PCDHAC2: variants seen among roughly 807,000 people sequenced by gnomAD.
PCDHAC2 encodes protocadherin alpha subfamily C, 2, also known as protocadherin alpha-C2.
PCDHAC2 carries 24 observed loss-of-function variants against 63.3 expected under a neutral mutation model. The observed-to-expected ratio is 0.38, with a 90% CI of 0.27 to 0.53. The LOEUF (loss-of-function observed/expected upper bound fraction) is 0.53. PCDHAC2 is among the 20% of genes least tolerant of loss of function. The probability of loss-of-function intolerance (pLI) is 0.81; values close to 1 mark genes in which losing one functional copy is unlikely to be tolerated. For synonymous variants in PCDHAC2, 569 were observed against 529.4 expected (o/e 1.07, Z -1.03); for missense variants, 1,181 against 1,275.2 (o/e 0.93, Z 1.12).
intron 3 of PCDHAC2, among the ~76,000 whole-genome samples, chr5:141,008,171 G>A (rs1441350888): frequency 6.6e-6 from 1 of 152,148 alleles, no homozygotes; most frequent in African/African-American, 2.4e-5. Flanking sequence ...GGACTAAAAT[G>A]TGACCATTGA....
intron 3 of PCDHAC2, 111 bp downstream of exon 3, chr5:140,982,674 A>G (rs1399250735): frequency 3.4e-6 from 5 of 1,450,700 alleles, no homozygotes; most frequent in Admixed American, 2.7e-5. Context: ...TATTTTTGTT[A>G]TTCCCTTTTT....
At chr5:140,994,939 C>T (rs1210134523) in intron 3 of PCDHAC2, among the ~76,000 whole-genome samples, 5 of 152,160 alleles carry the variant, frequency 3.3e-5, no homozygotes, top group Non-Finnish European at 7.3e-5. Context: ...CTTAAACATC[C>T]TGCTAAATAA....
chr5:140,975,120 C>T (rs2096654332), intron 1 of PCDHAC2, among the ~76,000 whole-genome samples: 1 of 152,140 alleles, frequency 6.6e-6, no homozygotes, highest in African/African-American at 2.4e-5. Flanking sequence ...TGTTTTCCTA[C>T]TTACTATTGG....
At position 140,982,388 on chromosome 5, in the gene PCDHAC2, A is replaced by G. The variant is rs868944535; in HGVS notation, c.2625-87A>G. 32 of 1,592,320 alleles carry G rather than the reference A, an allele frequency of 2.0e-5. 1 individual carries two copies. The Middle Eastern group carries it at 4.6e-3, about 226-fold the overall frequency. Reference sequence around the variant, plus strand: ...ATGTGTTAGCTGCAGCCCTGGCTTCATAGTTGTAAGCAATTTCTGAGGGTG... The same window carrying G: ...ATGTGTTAGCTGCAGCCCTGGCTTCGTAGTTGTAAGCAATTTCTGAGGGTG... On this transcript the variant is annotated intron_variant, in intron 2 of 3. Coordinates refer to ENST00000289269, the MANE Select transcript of PCDHAC2 (RefSeq NM_018899.6).
In PCDHAC2 at chr5:141,009,679, C is replaced by T; in HGVS notation, c.2766C>T (p.Asn922=). 1.2e-6 allele frequency: 2 copies of T among 1,614,116 alleles called. No individual in the cohort carries two copies. The highest frequency in any genetic ancestry group is 8.5e-7 in the Non-Finnish European group (1 of 1,180,026). The part of the protein sequence containing the change: ...SPPVGAGVNS[N]SWTFKYGPGN... ...CAGTCGGTGCGGGTGTCAACAGCAA[C>T]AGCTGGACCTTTAAATACGGACCAG... The change falls in exon 4 of 4, where the codon AAC becomes AAT. Residue 922 remains asparagine (N), a synonymous_variant. Coordinates refer to ENST00000289269, the MANE Select transcript of PCDHAC2 (RefSeq NM_018899.6).
chr5:140,972,515 G>A (rs572041832), intron 1 of PCDHAC2, among the ~76,000 whole-genome samples: 1 of 152,166 alleles, frequency 6.6e-6, no homozygotes, highest in South Asian at 2.1e-4. Flanking sequence ...TTTACCCCCA[G>A]TGAGCTTATT....
At chr5:140,975,200 C>T (rs1469690831) in intron 1 of PCDHAC2, among the ~76,000 whole-genome samples, 1 of 152,224 alleles carries the variant, frequency 6.6e-6, no homozygotes, top group Non-Finnish European at 1.5e-5. Context: ...GCTCCATCTT[C>T]ATGGCTGGCA....
chr5:140,982,566 A>C lies in PCDHAC2; in HGVS notation c.2713+3A>C. 1.2e-6 allele frequency: 2 copies of C among 1,614,088 alleles called. No individual in the cohort carries two copies. Among genetic ancestry groups the C allele is most frequent in the Non-Finnish European group, 1.7e-6 (2 of 1,179,950 alleles). ...AACAGTATCCAGTGCAACACCAGGT[A>C]AAGAGCTGGGGTCTCTCCATTCTTT... is the stretch of plus-strand genomic sequence containing the variant. On this transcript the variant is annotated splice_donor_region_variant and intron_variant, in intron 3 of 3. Transcript: ENST00000289269.
At chr5:140,991,411 C>G (rs905076175) in intron 3 of PCDHAC2, among the ~76,000 whole-genome samples, 8 of 152,156 alleles carry the variant, frequency 5.3e-5, no homozygotes, top group Admixed American at 5.2e-4. Flanking sequence ...TCCCATTATG[C>G]TATAACAAAT....
chr5:140,995,086 T>C (rs1182368049), intron 3 of PCDHAC2, among the ~76,000 whole-genome samples: 2 of 152,246 alleles, frequency 1.3e-5, no homozygotes, highest in African/African-American at 4.8e-5. Context: ...TCCAAACTTA[T>C]CTGTGGAGAT....
Position 140,968,346 on chromosome 5 carries a change from C to T in PCDHAC2, c.1580C>T (p.Ala527Val). 6.2e-7 allele frequency: 1 copy of T among 1,614,090 alleles called. No homozygotes were observed. The part of the protein sequence containing the change: ...PVTSYVSINS[A>V]SGSLYAVNSF... ...ACCTCCTATGTCTCCATTAACAGTG[C>T]CAGTGGCAGCCTTTATGCTGTCAAC... is the stretch of plus-strand genomic sequence containing the variant. Residue 527 changes from alanine to valine, a missense_variant, in exon 1 of 4, where the codon GCC becomes GTC. By Grantham distance (64) the Ala-to-Val change is moderately conservative (BLOSUM62 0). Coordinates refer to ENST00000289269, the MANE Select transcript of PCDHAC2 (RefSeq NM_018899.6).
chr5:141,007,481 T>C (rs2098332347), intron 3 of PCDHAC2, among the ~76,000 whole-genome samples: 1 of 151,600 alleles, frequency 6.6e-6, no homozygotes, highest in Non-Finnish European at 1.5e-5. Context: ...GGCACGAGAA[T>C]TACTTGGACC....
At chr5:140,984,783 G>A (rs2097120793) in intron 3 of PCDHAC2, among the ~76,000 whole-genome samples, 1 of 152,152 alleles carries the variant, frequency 6.6e-6, no homozygotes, top group African/African-American at 2.4e-5. Flanking sequence ...CTTGCTGGGT[G>A]AGCATAGACA....
At chr5:140,969,930 C>T (rs1200018667) in intron 1 of PCDHAC2, among the ~76,000 whole-genome samples, 1 of 152,178 alleles carries the variant, frequency 6.6e-6, no homozygotes, top group Non-Finnish European at 1.5e-5. Flanking sequence ...AGTATTTAGA[C>T]ATCATACTGA....
At position 140,966,906 on chromosome 5, in the gene PCDHAC2, C is replaced by A; in HGVS notation, c.140C>A (p.Ser47Tyr). ...CCTGCGGCCTCCCAGCTGCGATACT[C>A]TGTGCCAGAGGAGCAGGCACCCGGC... ...PGPAASQLRY[S>Y]VPEEQAPGAL... The change falls in exon 1 of 4, where the codon TCT (serine) becomes TAT (tyrosine). Residue 47 changes from serine (S) to tyrosine (Y), a missense_variant. Physicochemically the swap from Ser to Tyr is moderately radical, Grantham distance 144. This residue lies in a region of PCDHAC2 where 210 missense variants were observed against 184.9 expected (regional missense o/e 1.14). Transcript: ENST00000289269. 1 of 1,600,938 alleles carries A rather than the reference C, an allele frequency of 6.2e-7. No individual in the cohort carries two copies. Among genetic ancestry groups the A allele is most frequent in the African/African-American group, 1.3e-5 (1 of 74,898 alleles).
In PCDHAC2 at chr5:140,967,468, C is replaced by T. The variant is rs155807; in HGVS notation, c.702C>T (p.Ile234=). The change falls in exon 1 of 4, where the codon ATC becomes ATT. Residue 234 remains isoleucine (I), a synonymous_variant. Coordinates refer to ENST00000289269, the MANE Select transcript of PCDHAC2 (RefSeq NM_018899.6). ...TTCTCACAGCCGTGGATGGGGGCAT[C>T]CCAGCCCGCTCGGGTACGGCACAGA... is the stretch of plus-strand genomic sequence containing the variant. ...HLVLTAVDGG[I]PARSGTAQIS... 541,339 of 1,613,022 alleles carry T rather than the reference C, an allele frequency of 0.34. 92,423 individuals carry two copies. The highest frequency in any genetic ancestry group is 0.5 in the East Asian group (22,382 of 44,824).
At chr5:141,003,543 C>T (rs2098129407) in intron 3 of PCDHAC2, among the ~76,000 whole-genome samples, 1 of 152,108 alleles carries the variant, frequency 6.6e-6, no homozygotes, top group Non-Finnish European at 1.5e-5. Context: ...GAACTCCTGG[C>T]TTCAAGTGAT....
rs781919488 is a variant in PCDHAC2 at position 141,010,129 on chromosome 5, G to T, written c.*192G>T. 1 of 1,601,910 alleles carries T rather than the reference G, an allele frequency of 6.2e-7. No individual in the cohort carries two copies. Among genetic ancestry groups the T allele is most frequent in the East Asian group, 2.2e-5 (1 of 44,578 alleles). ...TGTCGTAAAAGCTTTACTAAGTCTGGTGTTAACTCTTTCTCTCCACTCTGG... is the reference window on the plus strand; with the variant it reads ...TGTCGTAAAAGCTTTACTAAGTCTGTTGTTAACTCTTTCTCTCCACTCTGG... On this transcript the variant is annotated 3_prime_UTR_variant, in exon 4 of 4. Transcript: ENST00000289269.
chr5:140,992,017 C>CTGTG (rs10602499), intron 3 of PCDHAC2, among the ~76,000 whole-genome samples: 5,022 of 145,578 alleles, frequency 0.034, 175 homozygotes, highest in African/African-American at 0.093. Context: ...AGAGGTGGCT[C>CTGTG]TGTGTGTGTG....
Sources: allele counts gnomAD v4.1 joint callset (sites outside exome capture counted in the v4.1 genomes callset), GRCh38; gene constraint gnomAD v4.1.1; regional missense constraint gnomAD v4.1.1; transcripts MANE v1.5; gene names NCBI Gene and HGNC (gene_info 2026-07-23, HGNC 2026-07-21).